Variants in LUZP2 observed in about 807,000 individuals in gnomAD.
LUZP2 encodes leucine zipper protein 2.
A neutral mutation model predicts 51.6 loss-of-function variants in LUZP2; 52 were observed. That is an observed-to-expected ratio of 1.01 (90% CI 0.81 to 1.27). The LOEUF (loss-of-function observed/expected upper bound fraction) is 1.27. Ranked by LOEUF, LUZP2 falls within the 50% of genes most tolerant of loss-of-function variation. The probability of loss-of-function intolerance (pLI) is 0.00; values close to 1 mark genes in which losing one functional copy is unlikely to be tolerated. For synonymous variants in LUZP2, 154 were observed against 137.3 expected, an observed-to-expected ratio of 1.12 and a Z score of -0.85; for missense variants, 436 against 395.4, an observed-to-expected ratio of 1.10 and a Z score of -0.87.
intron 5 of LUZP2, among the ~76,000 whole-genome samples, chr11:24,821,519 C>T (rs1281035646): frequency 6.6e-6 from 1 of 152,078 alleles, no homozygotes; most frequent in Non-Finnish European, 1.5e-5. Context: ...CTTCTTATCA[C>T]ATTATTCTCT....
intron 9 of LUZP2, among the ~76,000 whole-genome samples, chr11:25,026,698 G>A (rs1297129791): frequency 6.6e-6 from 1 of 151,976 alleles, no homozygotes; most frequent in Non-Finnish European, 1.5e-5. Flanking sequence ...TAGCATGATT[G>A]GTTGCTATGA....
chr11:24,628,193 A>G, intron 1 of LUZP2, among the ~76,000 whole-genome samples: 1 of 136,010 alleles, frequency 7.4e-6, no homozygotes, highest in African/African-American at 2.8e-5. Flanking sequence ...ATACACACGC[A>G]CACACACACA....
At chr11:24,639,878 C>T (rs1383764758) in intron 1 of LUZP2, among the ~76,000 whole-genome samples, 1 of 151,930 alleles carries the variant, frequency 6.6e-6, no homozygotes. Flanking sequence ...CCTCACTACC[C>T]TGTGTGTCCT....
intron 9 of LUZP2, among the ~76,000 whole-genome samples, chr11:25,017,660 T>C (rs1048568517): frequency 1.3e-5 from 2 of 152,196 alleles, no homozygotes; most frequent in Non-Finnish European, 2.9e-5. Context: ...GACTATAGCC[T>C]TATTGCATAA....
At chr11:24,628,535 C>G (rs949621957) in intron 1 of LUZP2, among the ~76,000 whole-genome samples, 2 of 152,024 alleles carry the variant, frequency 1.3e-5, no homozygotes, top group Admixed American at 1.3e-4. Flanking sequence ...GTAATTGCCT[C>G]ATACTGCCTG....
chr11:24,733,603 T>A (rs922670210), intron 3 of LUZP2, among the ~76,000 whole-genome samples: 3 of 151,702 alleles, frequency 2.0e-5, no homozygotes, highest in Non-Finnish European at 4.4e-5. Context: ...AGAGTGGTGA[T>A]TACCAGGGTC....
At chr11:24,889,455 A>T (rs1286180229) in intron 5 of LUZP2, among the ~76,000 whole-genome samples, 1 of 152,182 alleles carries the variant, frequency 6.6e-6, no homozygotes, top group Non-Finnish European at 1.5e-5. Flanking sequence ...AAACTATGTG[A>T]TCTGTTTCAA....
At chr11:24,620,551 A>G (rs1854460272) in intron 1 of LUZP2, among the ~76,000 whole-genome samples, 1 of 152,202 alleles carries the variant, frequency 6.6e-6, no homozygotes, top group Non-Finnish European at 1.5e-5. Context: ...TGTTCTGTAG[A>G]TCAAATACTG....
chr11:24,753,982 A>T (rs1168969866), intron 4 of LUZP2, among the ~76,000 whole-genome samples: 1 of 152,100 alleles, frequency 6.6e-6, no homozygotes, highest in African/African-American at 2.4e-5. Context: ...TCTCCCTTTG[A>T]TCTACTCAGC....
intron 1 of LUZP2, among the ~76,000 whole-genome samples, chr11:24,546,317 T>C (rs1357612290): frequency 6.6e-6 from 1 of 152,026 alleles, no homozygotes; most frequent in African/African-American, 2.4e-5. Context: ...TCCAAGACAA[T>C]GTTGAACAAG....
intron 1 of LUZP2, among the ~76,000 whole-genome samples, chr11:24,530,213 TGAG>T (rs1230860479): frequency 6.6e-6 from 1 of 150,898 alleles, no homozygotes; most frequent in Non-Finnish European, 1.5e-5. Flanking sequence ...ATGAATTCAC[TGAG>T]GAGATTTACA....
At chr11:24,911,148 T>G (rs1341469043) in intron 6 of LUZP2, among the ~76,000 whole-genome samples, 1 of 152,222 alleles carries the variant, frequency 6.6e-6, no homozygotes, top group Non-Finnish European at 1.5e-5. Context: ...ACCCAATGCC[T>G]GTACCCCCAT....
chr11:24,776,265 A>G (rs750628552), intron 5 of LUZP2, among the ~76,000 whole-genome samples: 3 of 152,240 alleles, frequency 2.0e-5, no homozygotes, highest in Non-Finnish European at 4.4e-5. Context: ...ATTAGAAACA[A>G]TAGCCTATGG....
intron 1 of LUZP2, among the ~76,000 whole-genome samples, chr11:24,649,656 A>G (rs1855565254): frequency 6.6e-6 from 1 of 151,904 alleles, no homozygotes; most frequent in Non-Finnish European, 1.5e-5. Context: ...CTGTGCCTTC[A>G]GTAATAGCGA....
chr11:25,032,707 T>G (rs948012723), intron 9 of LUZP2, among the ~76,000 whole-genome samples: 17 of 152,114 alleles, frequency 1.1e-4, no homozygotes, highest in Non-Finnish European at 1.8e-4. Context: ...GAAAGCAGAT[T>G]GGTAGAGAAA....
chr11:24,784,914 A>G (rs375084978), intron 5 of LUZP2, among the ~76,000 whole-genome samples: 2 of 152,200 alleles, frequency 1.3e-5, no homozygotes, highest in African/African-American at 4.8e-5. Context: ...ATGTAAATAC[A>G]TACATTTGCA....
intron 1 of LUZP2, among the ~76,000 whole-genome samples, chr11:24,528,339 C>T (rs1302990322): frequency 6.6e-6 from 1 of 151,168 alleles, no homozygotes; most frequent in Non-Finnish European, 1.5e-5. Flanking sequence ...GTACAAAAAC[C>T]TCTAAAGAGT....
chr11:24,859,903 G>A (rs12222404), intron 5 of LUZP2, among the ~76,000 whole-genome samples: 21,885 of 152,098 alleles, frequency 0.14, 1,663 homozygotes, highest in African/African-American at 0.17. Context: ...CCCAGAACAC[G>A]CTGTCTTACA....
intron 9 of LUZP2, among the ~76,000 whole-genome samples, chr11:25,027,263 C>T (rs1857518822): frequency 6.6e-6 from 1 of 152,112 alleles, no homozygotes; most frequent in African/African-American, 2.4e-5. Context: ...CATAATACAG[C>T]TTAGTACAGT....
Sources: gnomAD v4.1 joint callset for allele counts (sites outside exome capture counted in the v4.1 genomes callset) on GRCh38, gnomAD v4.1.1 for gene constraint, MANE v1.5 for transcripts, NCBI Gene and HGNC (gene_info 2026-07-23, HGNC 2026-07-21) for gene names.